The following COBL variants were observed in gnomAD, a reference collection of about 807,000 sequenced individuals.
COBL encodes protein cordon-bleu.
In COBL, 51 loss-of-function variants were observed where a neutral mutation model predicts 98.8. The observed-to-expected ratio is 0.52, with a 90% CI of 0.41 to 0.65. The LOEUF (loss-of-function observed/expected upper bound fraction) is 0.65, where lower values mean the gene tolerates loss of function less well. Among genes scored for constraint, COBL ranks in the 30% least tolerant of loss-of-function variants. The pLI is 0.00. For synonymous variants in COBL, 634 were observed against 651.7 expected, an observed-to-expected ratio of 0.97 and a Z score of 0.41; for missense variants, 1,617 against 1,617.5, an observed-to-expected ratio of 1.00 and a Z score of 0.01.
At chr7:51,259,422 C>A in intron 1 of COBL, 1 of 468,526 alleles carries the variant, frequency 2.1e-6, no homozygotes, top group East Asian at 4.3e-5. Context: ...CCCTGCCTCA[C>A]CTGGGTCTAG....
chr7:51,228,836 A>G (rs1255461881), intron 1 of COBL, among the ~76,000 whole-genome samples: 1 of 152,178 alleles, frequency 6.6e-6, no homozygotes, highest in Non-Finnish European at 1.5e-5. Flanking sequence ...TGCTGAGCAG[A>G]GCAACCCCTG....
intron 1 of COBL, among the ~76,000 whole-genome samples, chr7:51,242,250 A>G (rs1795856255): frequency 6.6e-6 from 1 of 152,210 alleles, no homozygotes; most frequent in Non-Finnish European, 1.5e-5. Context: ...TCATTTACAC[A>G]GGGTGTACAC....
intron 2 of COBL, among the ~76,000 whole-genome samples, chr7:51,196,962 C>CA (rs796297914): frequency 0.012 from 1,704 of 144,794 alleles, 22 homozygotes; most frequent in African/African-American, 0.035. Context: ...TTAATTTTTT[C>CA]AAAAAAAAAA....
chr7:51,101,149 A>G (rs973303327), intron 6 of COBL, among the ~76,000 whole-genome samples: 1 of 152,212 alleles, frequency 6.6e-6, no homozygotes, highest in African/African-American at 2.4e-5. Context: ...AATACCATGT[A>G]TTTCCCAGTC....
chr7:51,030,721 T>C (rs1422582519), intron 9 of COBL, 91 bp downstream of exon 9: 6 of 839,608 alleles, frequency 7.1e-6, no homozygotes, highest in Non-Finnish European at 1.2e-5. Context: ...TTTCCTCACA[T>C]AGATACATCA....
intron 6 of COBL, among the ~76,000 whole-genome samples, chr7:51,103,068 C>CA (rs1011927742): frequency 6.6e-6 from 1 of 152,068 alleles, no homozygotes; most frequent in Non-Finnish European, 1.5e-5. Context: ...GTTCCTACCA[C>CA]AAAAAAATAA....
chr7:51,081,483 A>G (rs1464033493), intron 7 of COBL, among the ~76,000 whole-genome samples: 1 of 152,202 alleles, frequency 6.6e-6, no homozygotes, highest in Non-Finnish European at 1.5e-5. Context: ...GGGAGGTTCC[A>G]CTGCTCTGCA....
At chr7:51,143,350 C>T (rs1458748978) in intron 5 of COBL, among the ~76,000 whole-genome samples, 3 of 152,084 alleles carry the variant, frequency 2.0e-5, no homozygotes, top group Non-Finnish European at 4.4e-5. Flanking sequence ...AGGTTTTTCC[C>T]TCTCAAATGC....
At chr7:51,141,436 C>G (rs912725433) in intron 5 of COBL, among the ~76,000 whole-genome samples, 3 of 152,076 alleles carry the variant, frequency 2.0e-5, no homozygotes, top group African/African-American at 7.2e-5. Context: ...GAGGCCCAGA[C>G]AGAGCTACTC....
intron 7 of COBL, among the ~76,000 whole-genome samples, chr7:51,061,727 A>T (rs1791378530): frequency 6.6e-6 from 1 of 152,114 alleles, no homozygotes; most frequent in African/African-American, 2.4e-5. Flanking sequence ...CAGAACAAAA[A>T]GGCAGGGAAG....
intron 1 of COBL, among the ~76,000 whole-genome samples, chr7:51,233,515 T>C (rs898746181): frequency 6.6e-6 from 1 of 152,192 alleles, no homozygotes; most frequent in Non-Finnish European, 1.5e-5. Flanking sequence ...AGACAAAAAC[T>C]GCAGAGCGAG....
chr7:51,064,756 A>AT (rs928151726), intron 7 of COBL: 39 of 170,428 alleles, frequency 2.3e-4, no homozygotes, highest in South Asian at 3.6e-4. Flanking sequence ...GACATTTTAT[A>AT]TTTTTTTTTA....
At chr7:51,079,913 C>G (rs1346543548) in intron 7 of COBL, among the ~76,000 whole-genome samples, 2 of 152,260 alleles carry the variant, frequency 1.3e-5, no homozygotes, top group Non-Finnish European at 1.5e-5. Context: ...TCTGAGCACA[C>G]AGTTTTCTCC....
intron 2 of COBL, among the ~76,000 whole-genome samples, chr7:51,206,467 G>A (rs1328861781): frequency 5.4e-5 from 8 of 149,338 alleles, no homozygotes; most frequent in African/African-American, 7.5e-5. Flanking sequence ...ATTCCAGCCT[G>A]GTTGACAGAG....
intron 12 of COBL, 133 bp downstream of exon 12, chr7:51,024,976 C>A: frequency 8.3e-7 from 1 of 1,201,058 alleles, no homozygotes; most frequent in South Asian, 1.4e-5. Flanking sequence ...GACACAGTGA[C>A]GCCGGCTCTC....
At chr7:51,256,307 G>T (rs1797189150) in intron 1 of COBL, among the ~76,000 whole-genome samples, 1 of 152,312 alleles carries the variant, frequency 6.6e-6, no homozygotes, top group Admixed American at 6.5e-5. Flanking sequence ...AGGCACAAAA[G>T]GTCAGGCCAT....
intron 5 of COBL, among the ~76,000 whole-genome samples, chr7:51,166,872 G>A (rs938389585): frequency 6.6e-6 from 1 of 152,034 alleles, no homozygotes; most frequent in African/African-American, 2.4e-5. Context: ...CATTTCAATC[G>A]ATATTGAAAA....
At chr7:51,207,034 C>T (rs921847779) in intron 2 of COBL, among the ~76,000 whole-genome samples, 1 of 152,150 alleles carries the variant, frequency 6.6e-6, no homozygotes, top group Non-Finnish European at 1.5e-5. Flanking sequence ...CACACACACA[C>T]ATACACACAC....
chr7:51,124,392 T>C (rs527347341), intron 6 of COBL, among the ~76,000 whole-genome samples: 2 of 152,304 alleles, frequency 1.3e-5, no homozygotes, highest in South Asian at 4.2e-4. Context: ...CAGAGATGAA[T>C]AACTTCTGTC....
Sources: allele counts gnomAD v4.1 joint callset (sites outside exome capture counted in the v4.1 genomes callset), GRCh38; gene constraint gnomAD v4.1.1; transcripts MANE v1.5; gene names NCBI Gene and HGNC (gene_info 2026-07-23, HGNC 2026-07-21).